NOS1AP: variants seen among roughly 807,000 people sequenced by gnomAD.
The protein encoded by NOS1AP is nitric oxide synthase 1 adaptor protein.
A neutral mutation model predicts 56.2 loss-of-function variants in NOS1AP; 21 were observed. The ratio of observed to expected loss-of-function variants is 0.37; its 90% CI spans 0.26 to 0.54. The LOEUF (loss-of-function observed/expected upper bound fraction) is 0.54, where lower values mean the gene tolerates loss of function less well. Among genes scored for constraint, NOS1AP ranks in the 20% least tolerant of loss-of-function variants. The probability of loss-of-function intolerance (pLI) is 0.84; values close to 1 mark genes in which losing one functional copy is unlikely to be tolerated. For missense variants in NOS1AP, 522 were observed against 657.8 expected (o/e 0.79, Z 2.26); for synonymous variants, 270 against 274.6 (o/e 0.98, Z 0.17).
At chr1:162,185,027 C>T (rs1353516820) in intron 2 of NOS1AP, among the ~76,000 whole-genome samples, 1 of 152,194 alleles carries the variant, frequency 6.6e-6, no homozygotes, top group East Asian at 1.9e-4. Flanking sequence ...GAGGATAATC[C>T]TTTTCCTTGC....
At chr1:162,167,805 G>A (rs1436143724) in intron 2 of NOS1AP, among the ~76,000 whole-genome samples, 2 of 152,210 alleles carry the variant, frequency 1.3e-5, no homozygotes, top group East Asian at 1.9e-4. Flanking sequence ...CAGGAGAGCT[G>A]GGAAGGGAGA....
chr1:162,216,916 A>T (rs1227328447), intron 2 of NOS1AP, among the ~76,000 whole-genome samples: 1 of 152,194 alleles, frequency 6.6e-6, no homozygotes, highest in African/African-American at 2.4e-5. Context: ...GGATTAGATG[A>T]GTTAACACAT....
chr1:162,133,092 A>G (rs1648826425), intron 1 of NOS1AP, among the ~76,000 whole-genome samples: 1 of 152,222 alleles, frequency 6.6e-6, no homozygotes. Flanking sequence ...ATTGCTTCAT[A>G]TCCCATCTGA....
intron 4 of NOS1AP, among the ~76,000 whole-genome samples, chr1:162,314,420 G>A (rs1003776610): frequency 1.3e-5 from 2 of 152,216 alleles, no homozygotes; most frequent in African/African-American, 4.8e-5. Flanking sequence ...AAAGTAACAG[G>A]GGAGCAGGGA....
intron 1 of NOS1AP, among the ~76,000 whole-genome samples, chr1:162,082,793 C>T (rs193187200): frequency 2.0e-3 from 299 of 152,214 alleles, no homozygotes; most frequent in African/African-American, 6.5e-3. Flanking sequence ...GAGTACAAAA[C>T]GCTGAAAAGG....
intron 2 of NOS1AP, among the ~76,000 whole-genome samples, chr1:162,197,125 T>C (rs1210540053): frequency 6.6e-6 from 1 of 152,226 alleles, no homozygotes; most frequent in Non-Finnish European, 1.5e-5. Context: ...GTCCATGTTG[T>C]TGAGTAATAA....
At chr1:162,187,100 G>A (rs1651462006) in intron 2 of NOS1AP, among the ~76,000 whole-genome samples, 1 of 151,992 alleles carries the variant, frequency 6.6e-6, no homozygotes, top group Admixed American at 6.6e-5. Context: ...CGAAGTAGCT[G>A]GGACTATAGG....
At chr1:162,289,557 C>T (rs1455333859) in intron 3 of NOS1AP, among the ~76,000 whole-genome samples, 2 of 144,436 alleles carry the variant, frequency 1.4e-5, no homozygotes, top group South Asian at 4.4e-4. Flanking sequence ...TCACTGCAAG[C>T]TCCGCCTCCC....
intron 2 of NOS1AP, among the ~76,000 whole-genome samples, chr1:162,254,084 G>A (rs1249320040): frequency 6.6e-6 from 1 of 152,160 alleles, no homozygotes; most frequent in Non-Finnish European, 1.5e-5. Context: ...TATTTTTTGA[G>A]TAATTGTTTT....
At chr1:162,095,361 A>G (rs1486727819) in intron 1 of NOS1AP, among the ~76,000 whole-genome samples, 1 of 152,286 alleles carries the variant, frequency 6.6e-6, no homozygotes, top group South Asian at 2.1e-4. Context: ...TCTGTCTGCA[A>G]ACCAGGAAGA....
At chr1:162,299,356 G>T (rs563396237) in intron 3 of NOS1AP, among the ~76,000 whole-genome samples, 1 of 152,164 alleles carries the variant, frequency 6.6e-6, no homozygotes, top group Admixed American at 6.5e-5. Context: ...GTTTTGGGGG[G>T]ATCACTGGTA....
chr1:162,219,697 T>C (rs993523919), intron 2 of NOS1AP, among the ~76,000 whole-genome samples: 16 of 152,216 alleles, frequency 1.1e-4, no homozygotes, highest in African/African-American at 3.4e-4. Context: ...CTGAAAACCT[T>C]CATCCTTCTA....
At chr1:162,353,375 G>A (rs549747231) in intron 6 of NOS1AP, among the ~76,000 whole-genome samples, 16 of 152,140 alleles carry the variant, frequency 1.1e-4, no homozygotes, top group South Asian at 6.2e-4. Context: ...CCCCGCGCCC[G>A]GCCAAACCTG....
At chr1:162,199,162 T>A (rs1336375446) in intron 2 of NOS1AP, among the ~76,000 whole-genome samples, 4 of 152,168 alleles carry the variant, frequency 2.6e-5, no homozygotes, top group African/African-American at 9.7e-5. Context: ...CAAACCTCCT[T>A]GAGTCGGCTT....
At chr1:162,345,206 G>T in intron 6 of NOS1AP, among the ~76,000 whole-genome samples, 2 of 150,162 alleles carry the variant, frequency 1.3e-5, no homozygotes, top group Non-Finnish European at 1.5e-5. Context: ...TGCACATTGT[G>T]CAGGTTAGTT....
At position 162,129,110 on chromosome 1, in the gene NOS1AP, G is replaced by A. The variant is rs181657076; in HGVS notation, c.106-25295G>A. ...TGTCATTTCATGCCAAAGTGTTTTG[G>A]GTCCCCAGCTAAGCTCCGCCTCCTT... On this transcript the variant is annotated intron_variant, in intron 1 of 9. Coordinates refer to ENST00000361897, the MANE Select transcript of NOS1AP (RefSeq NM_014697.3). Among the ~76,000 whole-genome samples, 455 of 151,852 alleles carry A rather than the reference G, an allele frequency of 3.0e-3. 4 individuals are homozygous for A. The highest frequency in any genetic ancestry group is 0.011 in the African/African-American group (436 of 41,398).
At chr1:162,342,844 T>G (rs149641645) in intron 5 of NOS1AP, among the ~76,000 whole-genome samples, 178 of 152,232 alleles carry the variant, frequency 1.2e-3, no homozygotes, top group African/African-American at 4.1e-3. Flanking sequence ...ATGTTAGACT[T>G]GAGTATAGGG....
chr1:162,300,568 T>C lies in NOS1AP; in HGVS notation c.271-65T>C, dbSNP rs1226675586. ...AGCAAAATGCATGTGTTTGCATAAG[T>C]ATGCATAGCTCAGTGTGTGCCCTGG... On this transcript the variant is annotated intron_variant, in intron 3 of 9. Transcript: ENST00000361897. The C allele has an allele frequency of 2.2e-6, 3 of 1,369,890 alleles. No homozygotes were observed. The Admixed American group carries it at 5.0e-5, about 23-fold the overall frequency. 84.9% of individuals were successfully genotyped at this position (1,369,890 alleles called of 1,614,324 possible).
At chr1:162,128,045 A>G (rs1648568532) in intron 1 of NOS1AP, among the ~76,000 whole-genome samples, 1 of 152,112 alleles carries the variant, frequency 6.6e-6, no homozygotes, top group Admixed American at 6.5e-5. Flanking sequence ...TTAATCTCTT[A>G]TGTTAATGCT....
Sources: allele counts gnomAD v4.1 joint callset (sites outside exome capture counted in the v4.1 genomes callset), GRCh38; gene constraint gnomAD v4.1.1; transcripts MANE v1.5; gene names NCBI Gene and HGNC (gene_info 2026-07-23, HGNC 2026-07-21).